Variants in ABCD3 observed in about 807,000 individuals in gnomAD.
The protein encoded by ABCD3 is ATP-binding cassette sub-family D member 3.
In ABCD3, 41 loss-of-function variants were observed where a neutral mutation model predicts 105.5. The observed-to-expected ratio is 0.39, with a 90% CI of 0.30 to 0.50. The LOEUF (loss-of-function observed/expected upper bound fraction) is 0.50, where lower values mean the gene tolerates loss of function less well. Ranked by LOEUF, ABCD3 falls within the 20% of genes least tolerant of loss-of-function variation. ABCD3 has a pLI of 0.84. For synonymous variants in ABCD3, 258 were observed against 269.0 expected (o/e 0.96, Z 0.40); for missense variants, 622 against 806.3 (o/e 0.77, Z 2.77).
intron 3 of ABCD3, among the ~76,000 whole-genome samples, chr1:94,465,684 G>A (rs1241743518): frequency 6.6e-6 from 1 of 152,172 alleles, no homozygotes; most frequent in Non-Finnish European, 1.5e-5. Context: ...TATGCAAAAT[G>A]ATATCTGGAT....
intron 1 of ABCD3, among the ~76,000 whole-genome samples, chr1:94,431,632 C>T (rs1659686766): frequency 6.6e-6 from 1 of 152,134 alleles, no homozygotes; most frequent in Non-Finnish European, 1.5e-5. Flanking sequence ...GCCATCATGG[C>T]TCACTGCAGC....
Position 94,489,919 on chromosome 1 carries a change from A to C in ABCD3, c.1266A>C (p.Gln422His). ...CCATTTAAGGTATTGAAGGAGTACA[A>C]GTCATTCCCTTGATACCTGGTGCTG... ...SQQEKGIEGV[Q>H]VIPLIPGAGE... Residue 422 changes from glutamine (Q) to histidine (H), a missense_variant, in exon 15 of 23, where the codon CAA becomes CAC. Transcript: ENST00000370214. 1.2e-6 allele frequency: 2 copies of C among 1,613,208 alleles called. No individual in the cohort carries two copies. Among genetic ancestry groups the C allele is most frequent in the South Asian group, 2.2e-5 (2 of 91,050 alleles).
chr1:94,409,659 T>C, the ABCD3 span, among the ~76,000 whole-genome samples: 1 of 152,228 alleles, frequency 6.6e-6, no homozygotes, highest in Non-Finnish European at 1.5e-5. Context: ...CATAGCTTTT[T>C]ATTTTAGAAC....
the ABCD3 span, among the ~76,000 whole-genome samples, chr1:94,411,517 C>T: frequency 2.9e-3 from 435 of 152,132 alleles, 3 homozygotes; most frequent in African/African-American, 9.8e-3. Context: ...ATATTAGAAC[C>T]CTTTTTCATT....
At chr1:94,442,599 T>A (rs1298488619) in intron 1 of ABCD3, among the ~76,000 whole-genome samples, 1 of 152,162 alleles carries the variant, frequency 6.6e-6, no homozygotes, top group East Asian at 1.9e-4. Flanking sequence ...ACCCAATAGG[T>A]AATTTTGCAA....
At chr1:94,411,433 C>T in the ABCD3 span, among the ~76,000 whole-genome samples, 3 of 152,148 alleles carry the variant, frequency 2.0e-5, no homozygotes, top group Non-Finnish European at 4.4e-5. Flanking sequence ...GACACCACTT[C>T]ACTTTACACT....
intron 4 of ABCD3, among the ~76,000 whole-genome samples, chr1:94,473,247 G>A (rs1648571295): frequency 6.6e-6 from 1 of 152,144 alleles, no homozygotes. Flanking sequence ...TTGTTTTACA[G>A]TGGCAGAATT....
Position 94,498,609 on chromosome 1 carries a change from C to G in ABCD3, c.1394C>G (p.Ser465Cys). The change falls in exon 17 of 23, where the codon TCT (serine) becomes TGT (cysteine). Residue 465 changes from serine to cysteine, a missense_variant. By Grantham distance (112) the Ser-to-Cys change is moderately radical. Coordinates refer to ENST00000370214, the MANE Select transcript of ABCD3 (RefSeq NM_002858.4). ...LIRDLNFEVR[S>C]GANVLICGPN... ...TTTTTTTTTTTTTTTCAGGTTCGAT[C>G]TGGGGCTAATGTTCTAATTTGTGGT... 1 of 1,595,916 alleles carries G rather than the reference C, an allele frequency of 6.3e-7. No homozygotes were observed. Among genetic ancestry groups the G allele is most frequent in the South Asian group, 1.1e-5 (1 of 87,992 alleles).
intron 10 of ABCD3, 67 bp from the exon 11 acceptor site, chr1:94,487,475 A>T (rs547392375): frequency 7.2e-7 from 1 of 1,381,942 alleles, no homozygotes; most frequent in East Asian, 2.3e-5. Context: ...AGTTTGTTTT[A>T]TCCTTATAGT....
chr1:94,471,036 T>A (rs1244581455), intron 4 of ABCD3, among the ~76,000 whole-genome samples: 1 of 152,224 alleles, frequency 6.6e-6, no homozygotes, highest in Non-Finnish European at 1.5e-5. Context: ...TATTTAAAAG[T>A]AAGTGCCTTA....
intron 1 of ABCD3, among the ~76,000 whole-genome samples, chr1:94,454,747 G>T (rs1570765834): frequency 6.6e-6 from 1 of 152,178 alleles, no homozygotes; most frequent in Non-Finnish European, 1.5e-5. Context: ...TGCCTCCAGG[G>T]TTCAAGCCAT....
intron 1 of ABCD3, among the ~76,000 whole-genome samples, chr1:94,453,038 G>A (rs1301445116): frequency 6.6e-6 from 1 of 152,100 alleles, no homozygotes; most frequent in African/African-American, 2.4e-5. Flanking sequence ...CAAAGTGCTC[G>A]GCCTTCCAAA....
At chr1:94,483,346 T>A (rs1419529561) in intron 10 of ABCD3, 107 bp downstream of exon 10, 1 of 792,166 alleles carries the variant, frequency 1.3e-6, no homozygotes, top group Non-Finnish European at 2.2e-6. Flanking sequence ...CACACACGTA[T>A]GTATACATAT....
chr1:94,487,675 C>T lies in ABCD3; in HGVS notation c.968-19C>T, dbSNP rs757624595. 105 of 1,613,374 alleles carry T rather than the reference C, an allele frequency of 6.5e-5. No individual in the cohort carries two copies. Among genetic ancestry groups the T allele is most frequent in the Non-Finnish European group, 8.5e-5 (100 of 1,179,512 alleles). On this transcript the variant is annotated intron_variant, in intron 11 of 22. Coordinates refer to ENST00000370214, the MANE Select transcript of ABCD3 (RefSeq NM_002858.4). ...GTGAAATACTGTTACTGTTTTAAAT[C>T]TTACCTGTTTGGTTTCAGACCTTGC...
Position 94,506,630 on chromosome 1 carries a change from T to C in ABCD3, c.1833T>C (p.Ser611=). The C allele has an allele frequency of 6.2e-7, 1 of 1,612,228 alleles. No individual in the cohort carries two copies. Among genetic ancestry groups the C allele is most frequent in the Non-Finnish European group, 8.5e-7 (1 of 1,178,688 alleles). The change falls in exon 21 of 23, where the codon AGT becomes AGC. Residue 611 remains serine (S), a synonymous_variant. Coordinates refer to ENST00000370214, the MANE Select transcript of ABCD3 (RefSeq NM_002858.4). ...VSVDVEGYIY[S]HCRKVGITLF... The stretch of plus-strand genomic sequence containing the variant: ...TCGACGTGGAAGGCTACATTTATAG[T>C]CATTGTCGAAAGGTAAGTACGCAGG...
chr1:94,491,578 T>G (rs1180074638), intron 16 of ABCD3, among the ~76,000 whole-genome samples: 1 of 152,040 alleles, frequency 6.6e-6, no homozygotes, highest in African/African-American at 2.4e-5. Flanking sequence ...AAAAAGAAAC[T>G]TATGGTGTGG....
At chr1:94,409,442 T>G in the ABCD3 span, among the ~76,000 whole-genome samples, 1 of 152,226 alleles carries the variant, frequency 6.6e-6, no homozygotes, top group Non-Finnish European at 1.5e-5. Context: ...AATAAATCAC[T>G]GATAGATCAT....
intron 8 of ABCD3, chr1:94,478,633 T>C (rs1648884081): frequency 9.3e-7 from 1 of 1,072,230 alleles, no homozygotes; most frequent in Non-Finnish European, 1.3e-6. Flanking sequence ...GGAGGATCGC[T>C]TGAATCCAGG....
intron 20 of ABCD3, among the ~76,000 whole-genome samples, chr1:94,502,050 T>C (rs553996716): frequency 2.3e-4 from 35 of 152,220 alleles, no homozygotes; most frequent in African/African-American, 8.4e-4. Flanking sequence ...AGATAAGATA[T>C]ATTTCTTAAG....
Sources: allele counts gnomAD v4.1 joint callset (sites outside exome capture counted in the v4.1 genomes callset), GRCh38; gene constraint gnomAD v4.1.1; transcripts MANE v1.5; gene names NCBI Gene and HGNC (gene_info 2026-07-23, HGNC 2026-07-21).